CDK17: variants seen among roughly 807,000 people sequenced by gnomAD.
CDK17 encodes the protein cyclin dependent kinase 17.
A neutral mutation model predicts 77.6 loss-of-function variants in CDK17; 24 were observed. That is an observed-to-expected ratio of 0.31 (90% CI 0.22 to 0.44). The LOEUF (loss-of-function observed/expected upper bound fraction) is 0.44. CDK17 is among the 20% of genes least tolerant of loss of function. CDK17 has a pLI of 1.00. For synonymous variants in CDK17, 203 were observed against 210.4 expected (o/e 0.96, Z 0.30); for missense variants, 429 against 622.5 (o/e 0.69, Z 3.31).
At chr12:96,381,504 T>A (rs964200913) in intron 1 of CDK17, among the ~76,000 whole-genome samples, 2 of 152,034 alleles carry the variant, frequency 1.3e-5, no homozygotes, top group Non-Finnish European at 2.9e-5. Flanking sequence ...GGAGACCAGT[T>A]TTGAAGAAAA....
chr12:96,399,094 C>T (rs1954216681), intron 1 of CDK17: 1 of 152,070 alleles, frequency 6.6e-6, no homozygotes, highest in Admixed American at 6.6e-5. Flanking sequence ...ACTGCTTACC[C>T]GAAAAGGAGT....
chr12:96,308,287 T>A (rs990366489), intron 5 of CDK17, among the ~76,000 whole-genome samples: 4 of 149,238 alleles, frequency 2.7e-5, no homozygotes, highest in Non-Finnish European at 5.9e-5. Flanking sequence ...GGTGTACACC[T>A]GCAGTCTTAG....
intron 1 of CDK17, among the ~76,000 whole-genome samples, chr12:96,345,849 T>C (rs567008503): frequency 6.6e-6 from 1 of 151,924 alleles, no homozygotes; most frequent in Non-Finnish European, 1.5e-5. Flanking sequence ...CAAAGTGCAA[T>C]AAAAGGGCAA....
chr12:96,390,764 T>C (rs1954055130), intron 1 of CDK17, among the ~76,000 whole-genome samples: 1 of 146,544 alleles, frequency 6.8e-6, no homozygotes, highest in South Asian at 2.2e-4. Flanking sequence ...CCTTCAAGTT[T>C]AAAAGTAGAC....
intron 1 of CDK17, among the ~76,000 whole-genome samples, chr12:96,380,480 G>C (rs150828058): frequency 1.8e-4 from 28 of 151,878 alleles, no homozygotes; most frequent in African/African-American, 6.8e-4. Context: ...GTAGAGAGAC[G>C]GGGTTTCGCC....
chr12:96,393,054 T>A (rs1156714813), intron 1 of CDK17, among the ~76,000 whole-genome samples: 1 of 152,092 alleles, frequency 6.6e-6, no homozygotes, highest in Non-Finnish European at 1.5e-5. Context: ...AATTGAGACA[T>A]AAAGGACCAC....
intron 1 of CDK17, among the ~76,000 whole-genome samples, chr12:96,354,361 T>C (rs925309029): frequency 4.6e-5 from 7 of 152,146 alleles, no homozygotes; most frequent in African/African-American, 9.7e-5. Context: ...AGCAAGAAAA[T>C]AGCACGTGTA....
At chr12:96,374,547 AG>A (rs763537544) in intron 1 of CDK17, among the ~76,000 whole-genome samples, 1 of 152,190 alleles carries the variant, frequency 6.6e-6, no homozygotes, top group Non-Finnish European at 1.5e-5. Context: ...TCCCTCTACC[AG>A]GAACAATTAA....
chr12:96,291,866 G>A (rs904728104), intron 10 of CDK17, among the ~76,000 whole-genome samples: 2 of 151,926 alleles, frequency 1.3e-5, no homozygotes, highest in Admixed American at 1.3e-4. Flanking sequence ...TGATCCACCC[G>A]CCTTAGCATC....
intron 1 of CDK17, chr12:96,335,169 T>C (rs1445483482): frequency 2.4e-6 from 1 of 414,342 alleles, no homozygotes; most frequent in Non-Finnish European, 4.6e-6. Context: ...AAAACCATTA[T>C]AGTAAAATAT....
intron 10 of CDK17, 96 bp from the exon 11 acceptor site, chr12:96,289,383 A>C: frequency 7.3e-7 from 1 of 1,375,270 alleles, no homozygotes; most frequent in East Asian, 2.3e-5. Context: ...GGATGCCTGA[A>C]ATGGTTAATT....
At position 96,313,452 on chromosome 12, in the gene CDK17, T is replaced by C; in HGVS notation, c.286A>G (p.Ile96Val). 6.5e-7 allele frequency: 1 copy of C among 1,527,564 alleles called. No homozygotes were observed. Among genetic ancestry groups the C allele is most frequent in the Non-Finnish European group, 8.8e-7 (1 of 1,134,742 alleles). The allele number at this position is 1,527,564 out of a possible 1,614,324, so 94.6% of individuals were successfully genotyped here. The change falls in exon 4 of 17, where the codon ATT becomes GTT. Residue 96 changes from isoleucine (I) to valine (V), a missense_variant and splice_region_variant. Around this residue, in one of 4 missense-constraint regions of CDK17, gnomAD observed 262 missense variants for 385.4 expected, o/e 0.68. Coordinates refer to ENST00000261211, the MANE Select transcript of CDK17 (RefSeq NM_002595.5). ...CCCATTTTTAGATTTTCATGAACAATATCTATATCAAAAAATGAGACATTA... is the reference window on the plus strand; with the variant it reads ...CCCATTTTTAGATTTTCATGAACAACATCTATATCAAAAAATGAGACATTA... ...AMPRNGSRLD[I>V]VHENLKMGSD...
At chr12:96,300,084 A>C (rs767972789) in intron 6 of CDK17, among the ~76,000 whole-genome samples, 6 of 152,184 alleles carry the variant, frequency 3.9e-5, no homozygotes, top group Admixed American at 3.9e-4. Flanking sequence ...AAAAATTTCA[A>C]AGCTATAAAA....
intron 10 of CDK17, among the ~76,000 whole-genome samples, chr12:96,291,882 GT>G (rs1274960255): frequency 1.3e-5 from 2 of 151,946 alleles, no homozygotes; most frequent in African/African-American, 4.8e-5. Context: ...GCATCCTGAA[GT>G]ATTTCTCTTC....
chr12:96,371,958 G>C (rs900759118), intron 1 of CDK17, among the ~76,000 whole-genome samples: 7 of 151,156 alleles, frequency 4.6e-5, no homozygotes, highest in African/African-American at 1.7e-4. Flanking sequence ...TGCTTATCAT[G>C]TTAAAAAGAG....
chr12:96,387,241 G>A, intron 1 of CDK17: 1 of 234,206 alleles, frequency 4.3e-6, no homozygotes, highest in Non-Finnish European at 8.8e-6. Context: ...ACAGCATCCA[G>A]CAACCAAGGA....
At chr12:96,399,829 C>CCCGCG (rs2137260372) in intron 1 of CDK17, among the ~76,000 whole-genome samples, 157 bp downstream of exon 1, 1 of 152,194 alleles carries the variant, frequency 6.6e-6, no homozygotes, top group East Asian at 1.9e-4. Flanking sequence ...ACGCTAGCCC[C>CCCGCG]CCGCGCCGCG....
At chr12:96,316,416 C>A (rs182363677) in intron 3 of CDK17, among the ~76,000 whole-genome samples, 1 of 146,540 alleles carries the variant, frequency 6.8e-6, no homozygotes, top group African/African-American at 2.5e-5. Flanking sequence ...CTTAGGTAAA[C>A]AAAGCAGCCA....
intron 3 of CDK17, among the ~76,000 whole-genome samples, chr12:96,315,264 A>C (rs1952695420): frequency 1.3e-5 from 2 of 152,238 alleles, no homozygotes; most frequent in Admixed American, 1.3e-4. Flanking sequence ...CAAGGGTCTT[A>C]TATCAACTCT....
Sources: gnomAD v4.1 joint callset for allele counts (sites outside exome capture counted in the v4.1 genomes callset) on GRCh38, gnomAD v4.1.1 for gene constraint, gnomAD v4.1.1 regional missense constraint, MANE v1.5 for transcripts, NCBI Gene and HGNC (gene_info 2026-07-23, HGNC 2026-07-21) for gene names.